ATR: variants seen among roughly 807,000 people sequenced by gnomAD.
ATR encodes serine/threonine-protein kinase ATR.
ATR carries 142 observed loss-of-function variants against 305.3 expected under a neutral mutation model. The observed-to-expected ratio is 0.47, with a 90% CI of 0.41 to 0.53. The LOEUF (loss-of-function observed/expected upper bound fraction) is 0.53, where lower values mean the gene tolerates loss of function less well. Ranked by LOEUF, ATR falls within the 20% of genes least tolerant of loss-of-function variation. The probability of loss-of-function intolerance (pLI) is 0.00; values close to 1 mark genes in which losing one functional copy is unlikely to be tolerated. For missense variants in ATR, 2,135 were observed against 3,133.1 expected, an observed-to-expected ratio of 0.68 and a Z score of 7.60; for synonymous variants, 1,050 against 1,068.1, an observed-to-expected ratio of 0.98 and a Z score of 0.33.
intron 36 of ATR, among the ~76,000 whole-genome samples, chr3:142,481,472 G>A (rs1461571772): frequency 6.6e-6 from 1 of 152,152 alleles, no homozygotes; most frequent in African/African-American, 2.4e-5. Flanking sequence ...TTCTTCATGA[G>A]GTTTACCAGA....
At chr3:142,497,278 A>T in intron 32 of ATR, 86 bp from the exon 33 acceptor site, 1 of 1,378,338 alleles carries the variant, frequency 7.3e-7, no homozygotes, top group Non-Finnish European at 1.0e-6. Flanking sequence ...TAAATCAGAA[A>T]TAAAGAATTT....
At chr3:142,536,306 G>C in intron 19 of ATR, 105 bp from the exon 20 acceptor site, 1 of 805,896 alleles carries the variant, frequency 1.2e-6, no homozygotes, top group Non-Finnish European at 2.1e-6. Flanking sequence ...ATAATTAAAA[G>C]TGCTAGTTGA....
intron 30 of ATR, among the ~76,000 whole-genome samples, chr3:142,502,028 T>A (rs991051019): frequency 6.6e-6 from 1 of 152,156 alleles, no homozygotes; most frequent in Non-Finnish European, 1.5e-5. Flanking sequence ...ATTACAGGCA[T>A]GAGCCACCAC....
chr3:142,493,045 T>A (rs1260932807), intron 35 of ATR, 87 bp downstream of exon 35: 1 of 1,453,336 alleles, frequency 6.9e-7, no homozygotes, highest in African/African-American at 1.4e-5. Context: ...TTCCTGGTTA[T>A]TTTTATACAT....
chr3:142,550,416 G>C, intron 13 of ATR, 114 bp from the exon 14 acceptor site: 1 of 1,137,194 alleles, frequency 8.8e-7, no homozygotes, highest in Admixed American at 1.9e-5. Flanking sequence ...TATCTGAATT[G>C]GTCCATTCAA....
intron 46 of ATR, chr3:142,450,808 C>T: frequency 7.2e-7 from 1 of 1,398,394 alleles, no homozygotes. Flanking sequence ...TCAAGTGGTC[C>T]AACCACAAGC....
At chr3:142,479,752 A>G (rs1338983884) in intron 36 of ATR, among the ~76,000 whole-genome samples, 4 of 152,184 alleles carry the variant, frequency 2.6e-5, no homozygotes. Context: ...GTCTTTTCAC[A>G]TAGTCCCATA....
chr3:142,533,633 C>T (rs901738033), intron 21 of ATR, among the ~76,000 whole-genome samples: 1 of 152,152 alleles, frequency 6.6e-6, no homozygotes, highest in African/African-American at 2.4e-5. Context: ...TTCTTACCTC[C>T]TCATGGATCT....
rs747926818 is a variant in ATR at position 142,560,301 on chromosome 3, A to G, written c.1503T>C (p.Ala501=). 1 of 1,614,012 alleles carries G rather than the reference A, an allele frequency of 6.2e-7. No homozygotes were observed. Among genetic ancestry groups the G allele is most frequent in the Middle Eastern group, 1.7e-4 (1 of 6,058 alleles). The change falls in exon 6 of 47, where the codon GCT becomes GCC. Residue 501 remains alanine (A), a synonymous_variant. Transcript: ENST00000350721. ...EGIAVVLQLT[A]LCTVHCSHQN... ...GATGAGAACAATGAACAGTACACAG[A>G]GCAGTCAGTTGTAAGACAACAGCAA...
chr3:142,485,384 T>C, intron 35 of ATR, 102 bp from the exon 36 acceptor site: 1 of 1,397,986 alleles, frequency 7.2e-7, no homozygotes, highest in Non-Finnish European at 9.8e-7. Context: ...GTGACCTTTA[T>C]CTAGGCAGAG....
chr3:142,457,462 A>C, intron 45 of ATR, 142 bp downstream of exon 45: 1 of 992,266 alleles, frequency 1.0e-6, no homozygotes, highest in Non-Finnish European at 1.4e-6. Context: ...ATGGTATATA[A>C]ATTATATCTG....
intron 46 of ATR, chr3:142,452,688 C>T (rs377323509): frequency 2.5e-5 from 26 of 1,044,602 alleles, no homozygotes; most frequent in Middle Eastern, 4.7e-4. Flanking sequence ...ACAACAACCA[C>T]CACCACCACC....
intron 36 of ATR, among the ~76,000 whole-genome samples, chr3:142,472,947 T>C (rs2071327525): frequency 6.6e-6 from 1 of 152,114 alleles, no homozygotes; most frequent in Admixed American, 6.6e-5. Context: ...GCCAGGTGAT[T>C]TGCTTTCTTA....
chr3:142,473,935 T>C (rs1427559924), intron 36 of ATR, among the ~76,000 whole-genome samples: 1 of 142,278 alleles, frequency 7.0e-6, no homozygotes, highest in Admixed American at 7.3e-5. Context: ...TGAAAAAAGT[T>C]ATTGGATTTT....
chr3:142,507,003 G>A (rs1005202826), intron 28 of ATR, among the ~76,000 whole-genome samples: 2 of 152,142 alleles, frequency 1.3e-5, no homozygotes, highest in East Asian at 1.9e-4. Flanking sequence ...TTTGACAAAC[G>A]GAGTACAACA....
chr3:142,559,448 T>A lies in ATR; in HGVS notation c.1542-7A>T, dbSNP rs1454472751. On this transcript the variant is annotated splice_polypyrimidine_tract_variant and splice_region_variant and intron_variant, in intron 6 of 46. Transcript: ENST00000350721. ...ACAGTCCTTGAAAGTACGGCTGCAG[T>A]AAGTACATTTTGTTAAAAACATTGG... is the stretch of plus-strand genomic sequence containing the variant. 1 of 1,611,812 alleles carries A rather than the reference T, an allele frequency of 6.2e-7. No individual in the cohort carries two copies. Among genetic ancestry groups the A allele is most frequent in the Non-Finnish European group, 8.5e-7 (1 of 1,178,428 alleles).
chr3:142,536,506 T>C (rs1430960263), intron 19 of ATR, among the ~76,000 whole-genome samples: 1 of 152,200 alleles, frequency 6.6e-6, no homozygotes, highest in East Asian at 1.9e-4. Context: ...CTTTAGCAAA[T>C]AGACTGTGGC....
intron 34 of ATR, among the ~76,000 whole-genome samples, chr3:142,494,037 C>A (rs2031441883): frequency 1.4e-5 from 2 of 145,774 alleles, no homozygotes; most frequent in African/African-American, 2.6e-5. Flanking sequence ...CTGTCTCTCT[C>A]AAAACATAAA....
At chr3:142,463,740 G>C (rs2108268612) in intron 41 of ATR, among the ~76,000 whole-genome samples, 1 of 152,190 alleles carries the variant, frequency 6.6e-6, no homozygotes, top group South Asian at 2.1e-4. Flanking sequence ...TTTTGAAATA[G>C]CTTTTTAATG....
Sources: gnomAD v4.1 joint callset for allele counts (sites outside exome capture counted in the v4.1 genomes callset) on GRCh38, gnomAD v4.1.1 for gene constraint, MANE v1.5 for transcripts, NCBI Gene and HGNC (gene_info 2026-07-23, HGNC 2026-07-21) for gene names.